NSD3: variants seen among roughly 807,000 people sequenced by gnomAD.
The protein encoded by NSD3 is histone-lysine N-methyltransferase NSD3.
A neutral mutation model predicts 160.8 loss-of-function variants in NSD3; 24 were observed. The observed-to-expected ratio is 0.15, with a 90% CI of 0.11 to 0.21. The LOEUF (loss-of-function observed/expected upper bound fraction) is 0.21. Ranked by LOEUF, NSD3 falls within the 10% of genes least tolerant of loss-of-function variation. NSD3 has a pLI of 1.00. For missense variants in NSD3, 1,157 were observed against 1,735.9 expected (o/e 0.67, Z 5.93); for synonymous variants, 520 against 600.0 (o/e 0.87, Z 1.95).
chr8:38,289,880 T>C (rs573640082), intron 17 of NSD3, among the ~76,000 whole-genome samples: 1 of 152,312 alleles, frequency 6.6e-6, no homozygotes, highest in Non-Finnish European at 1.5e-5. Context: ...ATGGCAAGTC[T>C]TTACTACTCT....
chr8:38,297,376 A>T (rs1585865244), intron 15 of NSD3, among the ~76,000 whole-genome samples: 1 of 152,256 alleles, frequency 6.6e-6, no homozygotes, highest in South Asian at 2.1e-4. Flanking sequence ...ACCACTGAAG[A>T]TGAAATATAA....
chr8:38,365,754 T>C lies in NSD3; in HGVS notation c.-45+16045A>G, dbSNP rs938167988. On this transcript the variant is annotated intron_variant, in intron 1 of 23. Transcript: ENST00000317025. ...AGCCACCGCACCCGGCTTAGATTCT[T>C]ATTAAAAAACTAATGAAACCAAAAC... 2.6e-5 allele frequency among the ~76,000 whole-genome samples: 4 copies of C among 152,158 alleles called. No individual in the cohort carries two copies. The South Asian group carries it at 8.3e-4, about 32-fold the overall frequency.
In NSD3 at chr8:38,321,086, T is replaced by G; in HGVS notation, c.1795A>C (p.Ile599Leu). The part of the protein sequence containing the change: ...KSTEVVPKKK[I>L]KKEQVETVPQ... ...AGGAAGCCAACCTGCTCCTTTTTGA[T>G]CTTCTTCTTTGGCACAACCTCAGTG... The change falls in exon 8 of 24, where the codon ATC (isoleucine) becomes CTC (leucine). Residue 599 changes from isoleucine to leucine, a missense_variant. By Grantham distance (5) the Ile-to-Leu change is conservative. Around this residue, in one of 10 missense-constraint regions of NSD3, gnomAD observed 102 missense variants for 126.5 expected, o/e 0.81. Coordinates refer to ENST00000317025, the MANE Select transcript of NSD3 (RefSeq NM_023034.2). This position sits in a 1 kb window ranked among gnomAD's most constrained non-coding sequence, Gnocchi z 4.7. 1 of 1,613,440 alleles carries G rather than the reference T, an allele frequency of 6.2e-7. No homozygotes were observed.
At chr8:38,379,095 G>A (rs1811474540) in intron 1 of NSD3, among the ~76,000 whole-genome samples, 1 of 151,578 alleles carries the variant, frequency 6.6e-6, no homozygotes, top group South Asian at 2.1e-4. Context: ...TTAATTTAAG[G>A]GTTAGGGAAA....
In NSD3 at chr8:38,315,510, G is replaced by A. The variant is rs1423952311; in HGVS notation, c.2021C>T (p.Ala674Val). The A allele has an allele frequency of 1.9e-6, 3 of 1,613,390 alleles. No individual in the cohort carries two copies. The highest frequency in any genetic ancestry group is 4.5e-5 in the East Asian group (2 of 44,840). The change falls in exon 11 of 24, where the codon GCT becomes GTT. Residue 674 changes from alanine to valine, a missense_variant. Ala to Val is a moderately conservative substitution (Grantham distance 64). Coordinates refer to ENST00000317025, the MANE Select transcript of NSD3 (RefSeq NM_023034.2). The stretch of plus-strand genomic sequence containing the variant: ...ATCAGAAACGTCTGCATCTGCAGTA[G>A]CTGAAGGGCTATCTACTTGCTTTCC... ...GFGKQVDSPS[A>V]TADADVSDVQ...
intron 1 of NSD3, among the ~76,000 whole-genome samples, chr8:38,372,358 C>T (rs954245424): frequency 6.6e-6 from 1 of 152,104 alleles, no homozygotes; most frequent in Non-Finnish European, 1.5e-5. Context: ...GATTTCAAAT[C>T]ACTAAACACT....
chr8:38,278,159 C>G (rs551885870), intron 22 of NSD3, 147 bp downstream of exon 22: 1 of 527,536 alleles, frequency 1.9e-6, no homozygotes, highest in Non-Finnish European at 3.3e-6. Context: ...AGGATGGTCT[C>G]GATCTCCTGA....
chr8:38,353,353 G>A lies in NSD3; in HGVS notation c.-44-5138C>T, dbSNP rs144364397. On this transcript the variant is annotated intron_variant, in intron 1 of 23. Coordinates refer to ENST00000317025, the MANE Select transcript of NSD3 (RefSeq NM_023034.2). ...TTTAAAAATTCTGTTAACAAGCATGGACCAACTACACAGGCAGAATTCAAA... is the reference window on the plus strand; with the variant it reads ...TTTAAAAATTCTGTTAACAAGCATGAACCAACTACACAGGCAGAATTCAAA... Among the ~76,000 whole-genome samples, 145 of 152,248 alleles carry A rather than the reference G, an allele frequency of 9.5e-4. 1 individual carries two copies. Among genetic ancestry groups the A allele is most frequent in the African/African-American group, 3.3e-3 (136 of 41,544 alleles).
chr8:38,347,887 C>A lies in NSD3; in HGVS notation c.285G>T (p.Gly95=). 6 of 1,614,126 alleles carry A rather than the reference C, an allele frequency of 3.7e-6. No homozygotes were observed. The highest frequency in any genetic ancestry group is 5.1e-6 in the Non-Finnish European group (6 of 1,180,044). ...KYQSYNQYPN[G]SANGFGAVRN... ...TAACTGCACCAAAGCCATTGGCTGA[C>A]CCATTAGGATACTGATTATATGACT... The change falls in exon 2 of 24, where the codon GGG becomes GGT. Residue 95 remains glycine, a synonymous_variant. Coordinates refer to ENST00000317025, the MANE Select transcript of NSD3 (RefSeq NM_023034.2).
At chr8:38,282,396 C>A in intron 19 of NSD3, among the ~76,000 whole-genome samples, 1 of 152,210 alleles carries the variant, frequency 6.6e-6, no homozygotes, top group East Asian at 1.9e-4. Flanking sequence ...TTTGGCTGGT[C>A]GCCGTGGCTC....
intron 4 of NSD3, among the ~76,000 whole-genome samples, chr8:38,335,530 T>C (rs1369797846): frequency 1.3e-5 from 2 of 151,960 alleles, no homozygotes; most frequent in Non-Finnish European, 2.9e-5. Flanking sequence ...GATGTGGACA[T>C]GAATTGTTTT....
intron 1 of NSD3, among the ~76,000 whole-genome samples, chr8:38,357,810 A>G (rs1013578726): frequency 6.6e-6 from 1 of 152,220 alleles, no homozygotes; most frequent in Non-Finnish European, 1.5e-5. Context: ...AAGTTATTTT[A>G]TATAAATGAA....
intron 7 of NSD3, among the ~76,000 whole-genome samples, chr8:38,324,429 A>C (rs548093532): frequency 8.5e-5 from 13 of 152,278 alleles, no homozygotes; most frequent in African/African-American, 2.4e-4. Context: ...TGCTATTATA[A>C]TAATTAGAAT....
chr8:38,293,241 T>C (rs1448742590), intron 16 of NSD3, among the ~76,000 whole-genome samples: 1 of 151,682 alleles, frequency 6.6e-6, no homozygotes, highest in South Asian at 2.1e-4. Flanking sequence ...TGGGTAAACA[T>C]GTCTAACATA....
Position 38,328,193 on chromosome 8 carries a change from G to GA in NSD3, c.1581+1184dup, listed in dbSNP as rs56994452. ...GAGTGAGACCTCATCTCTTAAAAAGGAAAAAAATAAATATAAATATATACA... is the reference window on the plus strand; with the variant it reads ...GAGTGAGACCTCATCTCTTAAAAAGGAAAAAAAATAAATATAAATATATACA... On this transcript the variant is annotated intron_variant, in intron 6 of 23. Coordinates refer to ENST00000317025, the MANE Select transcript of NSD3 (RefSeq NM_023034.2). Among the ~76,000 whole-genome samples the GA allele has an allele frequency of 6.6e-3, 1,000 of 151,998 alleles. 10 individuals carry two copies. Among genetic ancestry groups the GA allele is most frequent in the African/African-American group, 0.023 (938 of 41,480 alleles).
At chr8:38,289,870 A>G (rs1381814699) in intron 17 of NSD3, among the ~76,000 whole-genome samples, 1 of 152,206 alleles carries the variant, frequency 6.6e-6, no homozygotes, top group Non-Finnish European at 1.5e-5. Context: ...AAGGCTTTTC[A>G]TGGCAAGTCT....
At position 38,270,589 on chromosome 8, in the gene NSD3, G is replaced by C. The variant is rs987565172; in HGVS notation, c.*5052C>G. 6.6e-6 allele frequency: 1 copy of C among 152,146 alleles called. No individual in the cohort carries two copies. The highest frequency in any genetic ancestry group is 1.5e-5 in the Non-Finnish European group (1 of 68,036). The allele number at this position is 152,146 out of a possible 1,614,324, so 9.4% of individuals were successfully genotyped here. On this transcript the variant is annotated 3_prime_UTR_variant, in exon 24 of 24. Transcript: ENST00000317025. ...GTTTTATCCAGTCCATTTCTAAACT[G>C]ACAAGAATACCTTATTCAATACCTT... is the stretch of plus-strand genomic sequence containing the variant.
chr8:38,329,309 T>C lies in NSD3; in HGVS notation c.1581+69A>G. 6.6e-7 allele frequency: 1 copy of C among 1,521,256 alleles called. No individual in the cohort carries two copies. Among genetic ancestry groups the C allele is most frequent in the Admixed American group, 2.0e-5 (1 of 49,456 alleles). 94.2% of individuals were successfully genotyped at this position (1,521,256 alleles called of 1,614,324 possible). ...TATTTAAATTATGCCAAGGTCATTGTTTTAAATGCCAAGGTTGACCACTTT... is the reference window on the plus strand; with the variant it reads ...TATTTAAATTATGCCAAGGTCATTGCTTTAAATGCCAAGGTTGACCACTTT... On this transcript the variant is annotated intron_variant, in intron 6 of 23. Coordinates refer to ENST00000317025, the MANE Select transcript of NSD3 (RefSeq NM_023034.2). The surrounding 1 kb of genome is among the most constrained non-coding windows in gnomAD (Gnocchi z 4.8).
At chr8:38,367,788 T>A (rs1266458351) in intron 1 of NSD3, among the ~76,000 whole-genome samples, 1 of 152,184 alleles carries the variant, frequency 6.6e-6, no homozygotes, top group East Asian at 1.9e-4. Flanking sequence ...CCATTATTTG[T>A]AATATCAAAC....
Sources: allele counts gnomAD v4.1 joint callset (sites outside exome capture counted in the v4.1 genomes callset), GRCh38; gene constraint gnomAD v4.1.1; regional missense constraint gnomAD v4.1.1; non-coding constraint Gnocchi (gnomAD v3.1); transcripts MANE v1.5; gene names NCBI Gene and HGNC (gene_info 2026-07-23, HGNC 2026-07-21).